The following APBB2 variants were observed in gnomAD, a reference collection of about 807,000 sequenced individuals.
APBB2 encodes amyloid beta precursor protein binding family B member 2, also known as Fe65-like 1.
Under a neutral mutation model 82.5 loss-of-function variants are expected in APBB2, and 38 were observed. The observed-to-expected ratio is 0.46, with a 90% CI of 0.36 to 0.60. APBB2 has a LOEUF of 0.60. APBB2 is among the 20% of genes least tolerant of loss of function. The pLI, the probability that APBB2 is intolerant of heterozygous loss-of-function variation, is 0.00. For synonymous variants in APBB2, 341 were observed against 368.2 expected, an observed-to-expected ratio of 0.93 and a Z score of 0.85; for missense variants, 772 against 972.3, an observed-to-expected ratio of 0.79 and a Z score of 2.74.
In APBB2 at chr4:40,832,008, T is replaced by A. The variant is rs12502499; in HGVS notation, c.1530-1431A>T. Among the ~76,000 whole-genome samples the A allele has an allele frequency of 4.5e-4, 33 of 73,608 alleles. No individual in the cohort carries two copies. The highest frequency in any genetic ancestry group is 1.0e-3 in the African/African-American group (26 of 25,474). 48.3% of individuals were successfully genotyped at this position (73,608 alleles called of 152,430 possible). Reference sequence around the variant, plus strand: ...CACACACACATATTTATATATTTATTTATATACACACACACACACACACAC... The same window carrying A: ...CACACACACATATTTATATATTTATATATATACACACACACACACACACAC... On this transcript the variant is annotated intron_variant, in intron 12 of 17. Transcript: ENST00000508593. The surrounding 1 kb of genome is among the most constrained non-coding windows in gnomAD (Gnocchi z 4.8).
intron 6 of APBB2, among the ~76,000 whole-genome samples, chr4:40,946,634 C>T (rs1037147739): frequency 2.6e-5 from 4 of 151,712 alleles, no homozygotes; most frequent in African/African-American, 4.8e-5. Flanking sequence ...AGACATCCAC[C>T]GAGATGGAGG....
At chr4:40,945,763 C>T (rs1788205719) in intron 6 of APBB2, among the ~76,000 whole-genome samples, 1 of 152,160 alleles carries the variant, frequency 6.6e-6, no homozygotes, top group African/African-American at 2.4e-5. Flanking sequence ...CAGGCGCTTG[C>T]CACCACGCCA....
intron 10 of APBB2, among the ~76,000 whole-genome samples, chr4:40,918,227 C>A (rs73244003): frequency 0.13 from 20,030 of 152,270 alleles, 1,486 homozygotes; most frequent in Admixed American, 0.21. Context: ...CACATCCCCA[C>A]ACTGGCTAGT....
At chr4:40,966,657 G>C (rs1794734944) in intron 6 of APBB2, among the ~76,000 whole-genome samples, 1 of 152,196 alleles carries the variant, frequency 6.6e-6, no homozygotes, top group Admixed American at 6.5e-5. Flanking sequence ...ACCTGGATGG[G>C]CATGTGCGTG....
chr4:41,171,528 T>C (rs75444088), intron 1 of APBB2, among the ~76,000 whole-genome samples: 1,760 of 152,350 alleles, frequency 0.012, 27 homozygotes, highest in African/African-American at 0.039. Flanking sequence ...ACCAAACTTA[T>C]GCCCAGCTCA....
rs375994986 is a variant in APBB2, at chr4:40,890,503, C to G, written c.1402-12G>C. On this transcript the variant is annotated splice_polypyrimidine_tract_variant and intron_variant, in intron 11 of 17. Transcript: ENST00000508593. ...TACATGTCTTTCCCCTGGGACACAA[C>G]GAGAAAACACGCTGTCTTCTTCATG... 2.5e-6 allele frequency: 4 copies of G among 1,613,130 alleles called. No homozygotes were observed. Among genetic ancestry groups the G allele is most frequent in the Non-Finnish European group, 3.4e-6 (4 of 1,179,642 alleles).
rs148083382 is a variant in APBB2 at position 40,886,693 on chromosome 4, G to A, written c.1529+3671C>T. ...CAGGCCCACAGAGACAAGATGAAAG[G>A]GAGCATTCGGTCATTGGCCTCAGTC... is the stretch of plus-strand genomic sequence containing the variant. On this transcript the variant is annotated intron_variant, in intron 12 of 17. Transcript: ENST00000508593. Among the ~76,000 whole-genome samples, 1,041 of 152,160 alleles carry A rather than the reference G, an allele frequency of 6.8e-3. 15 individuals carry two copies. Among genetic ancestry groups the A allele is most frequent in the African/African-American group, 0.024 (995 of 41,516 alleles).
Position 40,816,005 on chromosome 4 carries a change from G to C in APBB2, c.*87C>G. The C allele has an allele frequency of 6.8e-7, 1 of 1,467,698 alleles. No homozygotes were observed. The highest frequency in any genetic ancestry group is 1.4e-5 in the African/African-American group (1 of 71,490). 90.9% of individuals were successfully genotyped at this position (1,467,698 alleles called of 1,614,324 possible). A position where few individuals can be genotyped will look rare whatever the true frequency, so the allele number is the denominator to read the frequency against. The stretch of plus-strand genomic sequence containing the variant: ...CTCTGAAGACAAAGCATCAGCAACT[G>C]GATGGAAGGTCGGATGGCGGAGTTC... On this transcript the variant is annotated 3_prime_UTR_variant, in exon 18 of 18. Coordinates refer to ENST00000508593, the MANE Select transcript of APBB2 (RefSeq NM_004307.2).
chr4:41,137,993 C>G (rs928267594), intron 2 of APBB2: 1 of 151,846 alleles, frequency 6.6e-6, no homozygotes. Context: ...ACGGTAAAAC[C>G]CCGTCTCTAT....
At chr4:41,100,947 C>G (rs552570390) in intron 2 of APBB2, among the ~76,000 whole-genome samples, 197 bp from the exon 3 acceptor site, 13 of 152,246 alleles carry the variant, frequency 8.5e-5, no homozygotes. Flanking sequence ...GATGGCAGTT[C>G]GATCTGTCGC....
chr4:40,858,286 T>A (rs1761916155), intron 12 of APBB2, among the ~76,000 whole-genome samples: 1 of 152,064 alleles, frequency 6.6e-6, no homozygotes, highest in South Asian at 2.1e-4. Context: ...AAGTACTTCC[T>A]CTTTCTAATT....
intron 7 of APBB2, among the ~76,000 whole-genome samples, chr4:40,943,527 G>T (rs899410496): frequency 1.3e-5 from 2 of 152,170 alleles, no homozygotes; most frequent in African/African-American, 4.8e-5. Context: ...GGAATCCCAG[G>T]ATCCAACTGG....
At chr4:41,001,176 T>G (rs1805122014) in intron 6 of APBB2, among the ~76,000 whole-genome samples, 1 of 152,210 alleles carries the variant, frequency 6.6e-6, no homozygotes, top group South Asian at 2.1e-4. Flanking sequence ...GTCATCTCCA[T>G]TCTCACTTTC....
intron 12 of APBB2, among the ~76,000 whole-genome samples, chr4:40,831,769 C>T (rs924057576): frequency 6.6e-6 from 1 of 152,078 alleles, no homozygotes; most frequent in South Asian, 2.1e-4. Context: ...TCTCAGACTC[C>T]AGATCTCAGA....
intron 1 of APBB2, among the ~76,000 whole-genome samples, chr4:41,159,084 T>C (rs1262747929): frequency 6.6e-6 from 1 of 152,122 alleles, no homozygotes; most frequent in South Asian, 2.1e-4. Flanking sequence ...AGACCTGAAG[T>C]TTAAAGATGT....
intron 4 of APBB2, among the ~76,000 whole-genome samples, chr4:41,040,890 T>C (rs559027713): frequency 6.6e-6 from 1 of 151,576 alleles, no homozygotes; most frequent in Non-Finnish European, 1.5e-5. Context: ...TATTTTTTTA[T>C]TTTTTTTTGA....
chr4:41,110,961 A>G (rs1309704528), intron 2 of APBB2, among the ~76,000 whole-genome samples: 1 of 152,234 alleles, frequency 6.6e-6, no homozygotes, highest in Non-Finnish European at 1.5e-5. Context: ...ATGTAGAACC[A>G]GTGGGAACCC....
chr4:41,118,568 A>T (rs555739590), intron 2 of APBB2, among the ~76,000 whole-genome samples: 1 of 152,310 alleles, frequency 6.6e-6, no homozygotes, highest in East Asian at 1.9e-4. Context: ...TTGTTATCAC[A>T]TCTGTAGTTT....
chr4:41,073,281 T>A (rs1273950021), intron 3 of APBB2, among the ~76,000 whole-genome samples: 2 of 152,216 alleles, frequency 1.3e-5, no homozygotes, highest in East Asian at 3.8e-4. Context: ...AAATTCCCCA[T>A]TATGATTTTC....
Sources: allele counts gnomAD v4.1 joint callset (sites outside exome capture counted in the v4.1 genomes callset), GRCh38; gene constraint gnomAD v4.1.1; non-coding constraint Gnocchi (gnomAD v3.1); transcripts MANE v1.5; gene names NCBI Gene and HGNC (gene_info 2026-07-23, HGNC 2026-07-21).